CDH12: variants seen among roughly 807,000 people sequenced by gnomAD.
The protein encoded by CDH12 is cadherin-12.
A neutral mutation model predicts 74.1 loss-of-function variants in CDH12; 41 were observed. The observed-to-expected ratio is 0.55, with a 90% CI of 0.43 to 0.72. The LOEUF (loss-of-function observed/expected upper bound fraction) is 0.72. Among genes scored for constraint, CDH12 ranks in the 30% least tolerant of loss-of-function variants. The pLI, the probability that CDH12 is intolerant of heterozygous loss-of-function variation, is 0.00. For synonymous variants in CDH12, 399 were observed against 355.0 expected, an observed-to-expected ratio of 1.12 and a Z score of -1.39; for missense variants, 945 against 977.2, an observed-to-expected ratio of 0.97 and a Z score of 0.44.
intron 11 of CDH12, among the ~76,000 whole-genome samples, chr5:21,767,574 A>G (rs1292884454): frequency 6.6e-6 from 1 of 151,690 alleles, no homozygotes; most frequent in Non-Finnish European, 1.5e-5. Context: ...ACAGATATTT[A>G]GAAATATCTA....
At position 22,382,921 on chromosome 5, in the gene CDH12, C is replaced by T. The variant is rs547075398; in HGVS notation, c.-333+22336G>A. Among the ~76,000 whole-genome samples the T allele has an allele frequency of 1.3e-3, 203 of 152,222 alleles. 2 individuals are homozygous for T. Among genetic ancestry groups the T allele is most frequent in the African/African-American group, 4.7e-3 (194 of 41,524 alleles). On this transcript the variant is annotated intron_variant, in intron 3 of 14. Coordinates refer to ENST00000382254, the MANE Select transcript of CDH12 (RefSeq NM_004061.5). ...TCTCAGCTCACTGCAACCTCTGCCT[C>T]CCGGGTTCAAACAATTCTCCTGCCT...
intron 4 of CDH12, among the ~76,000 whole-genome samples, chr5:22,210,254 CTAAG>C (rs1431040378): frequency 1.0e-5 from 1 of 99,582 alleles, no homozygotes; most frequent in Non-Finnish European, 2.0e-5. Flanking sequence ...ACTTCCTACT[CTAAG>C]TGAGGTTATC....
chr5:22,114,362 CT>C (rs1445264744), intron 4 of CDH12, among the ~76,000 whole-genome samples: 3 of 152,042 alleles, frequency 2.0e-5, no homozygotes, highest in Non-Finnish European at 4.4e-5. Context: ...AAAACTTCTT[CT>C]TTAGTCTTTA....
At chr5:22,623,256 G>C (rs1738076901) in intron 1 of CDH12, among the ~76,000 whole-genome samples, 1 of 152,116 alleles carries the variant, frequency 6.6e-6, no homozygotes, top group South Asian at 2.1e-4. Context: ...TTGAAAACTG[G>C]CACAAGACAA....
At chr5:22,317,566 G>A (rs1438586923) in intron 3 of CDH12, among the ~76,000 whole-genome samples, 3 of 152,054 alleles carry the variant, frequency 2.0e-5, no homozygotes, top group Non-Finnish European at 4.4e-5. Flanking sequence ...TTGTTAATTT[G>A]ATTGTAAACT....
intron 2 of CDH12, among the ~76,000 whole-genome samples, chr5:22,458,706 T>C (rs994675917): frequency 6.6e-6 from 1 of 152,204 alleles, no homozygotes; most frequent in African/African-American, 2.4e-5. Flanking sequence ...TAATGTTGCA[T>C]ATTTGTTTAC....
chr5:22,767,022 GTA>G (rs1301892912), intron 1 of CDH12, among the ~76,000 whole-genome samples: 1 of 151,950 alleles, frequency 6.6e-6, no homozygotes, highest in East Asian at 1.9e-4. Context: ...TTTTTTACAT[GTA>G]TAAGAAATTT....
intron 6 of CDH12, among the ~76,000 whole-genome samples, chr5:21,963,087 A>C (rs934360134): frequency 1.3e-5 from 2 of 149,958 alleles, no homozygotes. Flanking sequence ...AGCTATTTAC[A>C]AATATCGATA....
chr5:22,282,559 C>T (rs1465891400), intron 3 of CDH12, among the ~76,000 whole-genome samples: 3 of 152,026 alleles, frequency 2.0e-5, no homozygotes, highest in Non-Finnish European at 4.4e-5. Context: ...GAACAAACAA[C>T]CCCATCAAAA....
intron 7 of CDH12, 80 bp from the exon 8 acceptor site, chr5:21,842,408 C>T: frequency 2.0e-6 from 2 of 985,384 alleles, no homozygotes; most frequent in Non-Finnish European, 1.5e-6. Context: ...GCAACAACAA[C>T]ATGATTCTAC....
intron 5 of CDH12, among the ~76,000 whole-genome samples, chr5:22,017,141 TC>T (rs1320463936): frequency 6.6e-6 from 1 of 152,080 alleles, no homozygotes. Context: ...TCATTTTTTT[TC>T]TCTCCCTCTC....
intron 1 of CDH12, among the ~76,000 whole-genome samples, chr5:22,553,257 A>T (rs1448945761): frequency 6.6e-6 from 1 of 152,182 alleles, no homozygotes; most frequent in African/African-American, 2.4e-5. Context: ...GCAATACAAA[A>T]ATTGTTGAAA....
intron 3 of CDH12, among the ~76,000 whole-genome samples, chr5:22,218,534 T>A (rs1751903069): frequency 6.6e-6 from 1 of 151,774 alleles, no homozygotes; most frequent in African/African-American, 2.4e-5. Context: ...TGGAAATTTA[T>A]CTGTAATGAC....
Position 21,972,109 on chromosome 5 carries a change from C to A in CDH12, c.526+2982G>T, listed in dbSNP as rs537946083. Among the ~76,000 whole-genome samples the A allele has an allele frequency of 3.3e-5, 5 of 152,226 alleles. No individual in the cohort carries two copies. In the South Asian group the frequency reaches 1.0e-3, roughly 32 times the overall value. ...AAAATTAGTAATATTAGTAAATTTT[C>A]ATTGCAGGTTTATTTGTTCATATTT... On this transcript the variant is annotated intron_variant, in intron 6 of 14. Transcript: ENST00000382254.
intron 1 of CDH12, among the ~76,000 whole-genome samples, chr5:22,587,553 A>T (rs187296664): frequency 1.3e-5 from 2 of 152,270 alleles, no homozygotes; most frequent in Admixed American, 1.3e-4. Flanking sequence ...AGTGTCTAGG[A>T]TATGCTGGCA....
intron 1 of CDH12, among the ~76,000 whole-genome samples, chr5:22,526,054 T>G (rs1277596608): frequency 6.6e-6 from 1 of 152,172 alleles, no homozygotes; most frequent in Non-Finnish European, 1.5e-5. Flanking sequence ...AAATCTTTCT[T>G]TCTCAAAGCC....
At chr5:22,410,210 C>T (rs774105911) in intron 2 of CDH12, among the ~76,000 whole-genome samples, 43 of 152,166 alleles carry the variant, frequency 2.8e-4, no homozygotes, top group African/African-American at 7.7e-4. Flanking sequence ...CAAGGATAGG[C>T]ACAGAAACAA....
chr5:22,371,383 A>G (rs1382272884), intron 3 of CDH12, among the ~76,000 whole-genome samples: 1 of 152,178 alleles, frequency 6.6e-6, no homozygotes, highest in Admixed American at 6.5e-5. Context: ...CTGTAATAGT[A>G]CAGTTGAATC....
chr5:21,868,520 G>A (rs924012611), intron 6 of CDH12, among the ~76,000 whole-genome samples: 2 of 152,124 alleles, frequency 1.3e-5, no homozygotes, highest in African/African-American at 2.4e-5. Context: ...GAGGCCTTGG[G>A]GGCCCAAATT....
Sources: allele counts gnomAD v4.1 joint callset (sites outside exome capture counted in the v4.1 genomes callset), GRCh38; gene constraint gnomAD v4.1.1; transcripts MANE v1.5; gene names NCBI Gene and HGNC (gene_info 2026-07-23, HGNC 2026-07-21).